The following CDC42BPG variants were observed in gnomAD, a reference collection of about 807,000 sequenced individuals.
CDC42BPG encodes the protein serine/threonine-protein kinase MRCK gamma.
A neutral mutation model predicts 192.2 loss-of-function variants in CDC42BPG; 157 were observed. The observed-to-expected ratio is 0.82, with a 90% CI of 0.72 to 0.93. The LOEUF (loss-of-function observed/expected upper bound fraction) is 0.93. Ranked by LOEUF, CDC42BPG falls within the 40% of genes least tolerant of loss-of-function variation. CDC42BPG has a pLI of 0.00. For synonymous variants in CDC42BPG, 981 were observed against 918.5 expected (o/e 1.07, Z -1.23); for missense variants, 1,992 against 2,122.1 (o/e 0.94, Z 1.20).
rs1430054926 is a variant in CDC42BPG at position 64,844,497 on chromosome 11, G to A, written c.73C>T (p.Leu25Phe). 7.2e-7 allele frequency: 1 copy of A among 1,382,460 alleles called. No homozygotes were observed. Among genetic ancestry groups the A allele is most frequent in the South Asian group, 1.6e-5 (1 of 62,820 alleles). The allele number at this position is 1,382,460 out of a possible 1,614,324, so 85.6% of individuals were successfully genotyped here. ...TGCAGCGCCAGCAGCAGATCTAGGAGGCCGTCGAGCCCCGGGCAGCCGCCG... is the reference window on the plus strand; with the variant it reads ...TGCAGCGCCAGCAGCAGATCTAGGAAGCCGTCGAGCCCCGGGCAGCCGCCG... ...EAGGCPGLDG[L>F]LDLLLALHHE... is the part of the protein sequence containing the mutation. Residue 25 changes from leucine (L) to phenylalanine (F), a missense_variant, in exon 1 of 37, where the codon CTC becomes TTC. Leu to Phe is a conservative substitution (Grantham distance 22, BLOSUM62 0). Around this residue, in one of 2 missense-constraint regions of CDC42BPG, gnomAD observed 1,656 missense variants for 1,844.3 expected, o/e 0.90. Coordinates refer to ENST00000342711, the MANE Select transcript of CDC42BPG (RefSeq NM_017525.3).
chr11:64,840,518 G>C (rs760115377), intron 4 of CDC42BPG, 35 bp downstream of exon 4: 20 of 1,600,448 alleles, frequency 1.2e-5, no homozygotes, highest in Non-Finnish European at 1.6e-5. Context: ...TGTGTCCCTA[G>C]GATGTTCCCC....
At chr11:64,826,644 C>T (rs763265252) in intron 35 of CDC42BPG, 27 bp downstream of exon 35, 2 of 1,585,758 alleles carry the variant, frequency 1.3e-6, no homozygotes. Flanking sequence ...GGGGGTGGCA[C>T]ACTGGAGGCT....
chr11:64,838,949 C>T, intron 7 of CDC42BPG, 47 bp from the exon 8 acceptor site: 2 of 1,608,584 alleles, frequency 1.2e-6, no homozygotes, highest in South Asian at 1.1e-5. Flanking sequence ...TCCAGGAACC[C>T]AGCCTCACCT....
chr11:64,835,653 C>T (rs1424058848), intron 14 of CDC42BPG, 32 bp from the exon 15 acceptor site: 4 of 1,578,976 alleles, frequency 2.5e-6, no homozygotes, highest in Admixed American at 1.7e-5. Context: ...AGGGCAGAGA[C>T]CCAAGATGCC....
chr11:64,830,099 C>A, intron 29 of CDC42BPG, 29 bp from the exon 30 acceptor site: 1 of 1,612,348 alleles, frequency 6.2e-7, no homozygotes, highest in Non-Finnish European at 8.5e-7. Flanking sequence ...GAGAGTGTCA[C>A]TGGCAGGTGG....
Position 64,839,101 on chromosome 11 carries a change from G to A in CDC42BPG, c.808C>T (p.Leu270Phe), listed in dbSNP as rs1943159259. 1.2e-6 allele frequency: 2 copies of A among 1,613,632 alleles called. No homozygotes were observed. The highest frequency in any genetic ancestry group is 1.7e-6 in the Non-Finnish European group (2 of 1,180,040). ...WSLGVCAYEL[L>F]FGETPFYAES... The stretch of plus-strand genomic sequence containing the variant: ...GCATAGAAGGGCGTCTCCCCAAAGA[G>A]CAGCTCATAGGCGCAGACTCCAAGC... The change falls in exon 7 of 37, where the codon CTC becomes TTC. Residue 270 changes from leucine to phenylalanine, a missense_variant. Physicochemically the swap from Leu to Phe is conservative, Grantham distance 22. Transcript: ENST00000342711.
At chr11:64,842,241 G>A (rs993435470) in intron 1 of CDC42BPG, among the ~76,000 whole-genome samples, 10 of 152,142 alleles carry the variant, frequency 6.6e-5, no homozygotes, top group African/African-American at 2.4e-4. Flanking sequence ...GGTCACCCTG[G>A]GGACCATGGG....
At chr11:64,830,150 G>GCTGCCC in intron 29 of CDC42BPG, 44 bp downstream of exon 29, 2 of 1,612,848 alleles carry the variant, frequency 1.2e-6, no homozygotes, top group Non-Finnish European at 8.5e-7. Flanking sequence ...GCCCGCTGGG[G>GCTGCCC]CTGCCCCTGC....
rs781628242 is a variant in CDC42BPG, at chr11:64,830,000, G to A, written c.3438C>T (p.Val1146=). 1.1e-5 allele frequency: 18 copies of A among 1,612,206 alleles called. No individual in the cohort carries two copies. The Admixed American group carries it at 1.2e-4, about 10-fold the overall frequency. The part of the protein sequence containing the change: ...LTLSPSAGLL[V]VLCGRGPSVR... ...CGCTGGGGCCGCGGCCACACAGCACGACCAGCAGGCCTGCACTGGGGCTCA... is the reference window on the plus strand; with the variant it reads ...CGCTGGGGCCGCGGCCACACAGCACAACCAGCAGGCCTGCACTGGGGCTCA... Residue 1146 remains valine (V), a synonymous_variant, in exon 30 of 37, where the codon GTC becomes GTT. Transcript: ENST00000342711.
chr11:64,831,685 A>T lies in CDC42BPG; in HGVS notation c.3124T>A (p.Cys1042Ser). Residue 1042 changes from cysteine to serine, a missense_variant, in exon 28 of 37, where the codon TGC becomes AGC. Cys to Ser is a moderately radical substitution (Grantham distance 112, BLOSUM62 -1). Around this residue, in one of 2 missense-constraint regions of CDC42BPG, gnomAD observed 1,656 missense variants for 1,844.3 expected, o/e 0.90. Transcript: ENST00000342711. ...TSQLAVPPTT[C>S]TVLLLAESEG... is the part of the protein sequence containing the mutation. ...CTCTCTGCCAGCAGCAGCACAGTGC[A>T]CGTGGTGGGCGGCACTGCCAGCTGG... 1 of 1,607,062 alleles carries T rather than the reference A, an allele frequency of 6.2e-7. No individual in the cohort carries two copies. The highest frequency in any genetic ancestry group is 8.5e-7 in the Non-Finnish European group (1 of 1,178,854).
intron 36 of CDC42BPG, among the ~76,000 whole-genome samples, chr11:64,825,682 T>G (rs1038228663): frequency 6.6e-6 from 1 of 152,006 alleles, no homozygotes; most frequent in Admixed American, 6.6e-5. Context: ...CTCCCTGGCT[T>G]CTCTTAGGTT....
chr11:64,832,816 C>T lies in CDC42BPG; in HGVS notation c.2865+10G>A, dbSNP rs1483433706. 1.3e-6 allele frequency: 2 copies of T among 1,587,460 alleles called. No individual in the cohort carries two copies. Among genetic ancestry groups the T allele is most frequent in the African/African-American group, 1.4e-5 (1 of 74,026 alleles). ...CATGCCCATCTTCCCCTCCCTCGGC[C>T]CCCACTCACCGACAGAAAGCCCTCA... On this transcript the variant is annotated intron_variant, in intron 25 of 36. Coordinates refer to ENST00000342711, the MANE Select transcript of CDC42BPG (RefSeq NM_017525.3).
At chr11:64,838,963 G>A (rs962950456) in intron 7 of CDC42BPG, 61 bp from the exon 8 acceptor site, 22 of 1,610,006 alleles carry the variant, frequency 1.4e-5, no homozygotes, top group Admixed American at 3.3e-5. Flanking sequence ...CTCACCTGCC[G>A]GTACTTCCAA....
intron 13 of CDC42BPG, 38 bp downstream of exon 13, chr11:64,836,079 G>A (rs1433321733): frequency 1.3e-6 from 2 of 1,550,228 alleles, no homozygotes; most frequent in Non-Finnish European, 1.7e-6. Flanking sequence ...ACTGGGGGCA[G>A]GGCCCAGGTG....
Position 64,836,716 on chromosome 11 carries a change from GGGGGGGT to G in CDC42BPG, c.1384+16_1384+22del, listed in dbSNP as rs1943023158. 8 of 869,182 alleles carry G rather than the reference GGGGGGGT, an allele frequency of 9.2e-6. No individual in the cohort carries two copies. The highest frequency in any genetic ancestry group is 1.7e-5 in the South Asian group (1 of 58,336). The allele number at this position is 869,182 out of a possible 1,614,324, so 53.8% of individuals were successfully genotyped here. ...GGTGGGACTCAGCCCTGGGGGGGGG[GGGGGGGT>G]GGGCGGAAGGGATACCTGGCAGCCT... On this transcript the variant is annotated intron_variant, in intron 11 of 36. Transcript: ENST00000342711.
intron 8 of CDC42BPG, 77 bp downstream of exon 8, chr11:64,838,577 G>A: frequency 1.3e-6 from 2 of 1,575,094 alleles, no homozygotes; most frequent in Non-Finnish European, 1.7e-6. Flanking sequence ...CCACCCCAGG[G>A]GACTTCAGAG....
Position 64,827,689 on chromosome 11 carries a change from C to G in CDC42BPG, c.4062G>C (p.Lys1354Asn). The change falls in exon 31 of 37, where the codon AAG (lysine) becomes AAC (asparagine). Residue 1354 changes from lysine to asparagine, a missense_variant. Transcript: ENST00000342711. Reference protein sequence around the residue: ...RAEWVQTVPLKKVRPLNPEGS... With the variant: ...RAEWVQTVPLNKVRPLNPEGS... ...CAGGGCTCTGGCGGACCCTCACCTT[C>G]TTGAGCGGCACGGTCTGCACCCATT... is the stretch of plus-strand genomic sequence containing the variant. The G allele has an allele frequency of 6.2e-7, 1 of 1,610,910 alleles. No individual in the cohort carries two copies. The highest frequency in any genetic ancestry group is 8.5e-7 in the Non-Finnish European group (1 of 1,177,876).
intron 20 of CDC42BPG, 81 bp from the exon 21 acceptor site, chr11:64,834,058 C>T: frequency 6.3e-6 from 10 of 1,579,850 alleles, no homozygotes; most frequent in South Asian, 2.2e-5. Flanking sequence ...GTTCCCACCT[C>T]AGTAAAATGG....
Position 64,836,719 on chromosome 11 carries a change from G to GGGGGGT in CDC42BPG, c.1384+19_1384+20insACCCCC. On this transcript the variant is annotated intron_variant, in intron 11 of 36. Transcript: ENST00000342711. ...GGGACTCAGCCCTGGGGGGGGGGGG[G>GGGGGGT]GGGTGGGCGGAAGGGATACCTGGCA... 2 of 842,260 alleles carry GGGGGGT rather than the reference G, an allele frequency of 2.4e-6. No homozygotes were observed. Among genetic ancestry groups the GGGGGGT allele is most frequent in the Non-Finnish European group, 3.4e-6 (2 of 582,312 alleles). The allele number at this position is 842,260 out of a possible 1,614,324, so 52.2% of individuals were successfully genotyped here.
Sources: gnomAD v4.1 joint callset for allele counts (sites outside exome capture counted in the v4.1 genomes callset) on GRCh38, gnomAD v4.1.1 for gene constraint, gnomAD v4.1.1 regional missense constraint, MANE v1.5 for transcripts, NCBI Gene and HGNC (gene_info 2026-07-23, HGNC 2026-07-21) for gene names.